Variants in FAM135B observed in about 807,000 individuals in gnomAD.
FAM135B encodes protein FAM135B.
Under a neutral mutation model 127.7 loss-of-function variants are expected in FAM135B, and 43 were observed. The ratio of observed to expected loss-of-function variants is 0.34; its 90% CI spans 0.26 to 0.43. The LOEUF (loss-of-function observed/expected upper bound fraction) is 0.43. Among genes scored for constraint, FAM135B ranks in the 20% least tolerant of loss-of-function variants. The pLI, the probability that FAM135B is intolerant of heterozygous loss-of-function variation, is 1.00. For missense variants in FAM135B, 1,558 were observed against 1,725.6 expected, an observed-to-expected ratio of 0.90 and a Z score of 1.72; for synonymous variants, 670 against 665.1, an observed-to-expected ratio of 1.01 and a Z score of -0.11.
At chr8:138,304,672 T>C (rs1255181582) in intron 3 of FAM135B, among the ~76,000 whole-genome samples, 1 of 152,158 alleles carries the variant, frequency 6.6e-6, no homozygotes, top group Non-Finnish European at 1.5e-5. Context: ...CGGAGACTGA[T>C]GGAAGCTCCT....
chr8:138,496,897 C>A lies in FAM135B; in HGVS notation c.-246G>T, dbSNP rs953777040. On this transcript the variant is annotated 5_prime_UTR_variant, in exon 1 of 20. Coordinates refer to ENST00000395297, the MANE Select transcript of FAM135B (RefSeq NM_015912.4). ...TCGCCCGCCGCCGCCGGTGCTGATG[C>A]GGTTGCTATGGTTATGGAACCCCGC... is the stretch of plus-strand genomic sequence containing the variant. 4 of 152,112 alleles carry A rather than the reference C, an allele frequency of 2.6e-5. No homozygotes were observed. The East Asian group carries it at 5.9e-4, about 23-fold the overall frequency. 9.4% of individuals were successfully genotyped at this position (152,112 alleles called of 1,614,324 possible).
At chr8:138,251,497 T>C (rs1307890045) in intron 5 of FAM135B, among the ~76,000 whole-genome samples, 1 of 152,178 alleles carries the variant, frequency 6.6e-6, no homozygotes, top group Non-Finnish European at 1.5e-5. Flanking sequence ...ATACCTAGCC[T>C]AGTATCTGGC....
chr8:138,354,757 G>T (rs1027544936), intron 2 of FAM135B, among the ~76,000 whole-genome samples: 5 of 152,114 alleles, frequency 3.3e-5, no homozygotes, highest in African/African-American at 1.2e-4. Flanking sequence ...TGACCCTGAG[G>T]TTTATCTTTC....
intron 12 of FAM135B, among the ~76,000 whole-genome samples, chr8:138,155,231 A>G (rs1030064719): frequency 6.6e-6 from 1 of 152,222 alleles, no homozygotes; most frequent in Non-Finnish European, 1.5e-5. Context: ...AATCCTTTAC[A>G]GACAAGCAAA....
intron 1 of FAM135B, among the ~76,000 whole-genome samples, chr8:138,418,240 A>G (rs1834277491): frequency 6.6e-6 from 1 of 152,178 alleles, no homozygotes; most frequent in Non-Finnish European, 1.5e-5. Context: ...AACTCAGACA[A>G]AAGTAAAGTG....
At position 138,389,389 on chromosome 8, in the gene FAM135B, A is replaced by G. The variant is rs529636589; in HGVS notation, c.-19-21387T>C. Among the ~76,000 whole-genome samples the G allele has an allele frequency of 2.6e-3, 400 of 152,348 alleles. 1 individual carries two copies. The highest frequency in any genetic ancestry group is 9.4e-3 in the African/African-American group (390 of 41,572). On this transcript the variant is annotated intron_variant, in intron 1 of 19. Coordinates refer to ENST00000395297, the MANE Select transcript of FAM135B (RefSeq NM_015912.4). ...TTCGTAGCAGCATTATTCACAATAG[A>G]CAAGTGGCAGAAATGAAGGAAATGG...
At chr8:138,133,042 C>T (rs998588156) in intron 19 of FAM135B, among the ~76,000 whole-genome samples, 7 of 152,150 alleles carry the variant, frequency 4.6e-5, no homozygotes, top group African/African-American at 7.2e-5. Context: ...ACCCATGCAC[C>T]GGAAGTTATG....
intron 2 of FAM135B, among the ~76,000 whole-genome samples, chr8:138,366,527 T>A (rs1022041064): frequency 3.3e-5 from 5 of 152,210 alleles, no homozygotes; most frequent in Non-Finnish European, 2.9e-5. Context: ...CTGTGAATGC[T>A]GCCCAAAACC....
intron 1 of FAM135B, among the ~76,000 whole-genome samples, chr8:138,447,444 G>A (rs1374133913): frequency 6.6e-6 from 1 of 152,106 alleles, no homozygotes; most frequent in Non-Finnish European, 1.5e-5. Flanking sequence ...AAAAAATGTG[G>A]CACATATACA....
intron 11 of FAM135B, among the ~76,000 whole-genome samples, chr8:138,169,770 G>A (rs1820264283): frequency 6.6e-6 from 1 of 152,082 alleles, no homozygotes; most frequent in African/African-American, 2.4e-5. Flanking sequence ...TTGATTTTAG[G>A]TCGAACAAGC....
intron 14 of FAM135B, among the ~76,000 whole-genome samples, chr8:138,146,571 G>C (rs773760835): frequency 6.6e-6 from 1 of 152,152 alleles, no homozygotes; most frequent in Non-Finnish European, 1.5e-5. Context: ...GGGAACAAGA[G>C]ACATGGCAGA....
At chr8:138,249,971 G>C (rs1037316880) in intron 6 of FAM135B, among the ~76,000 whole-genome samples, 1 of 152,188 alleles carries the variant, frequency 6.6e-6, no homozygotes, top group African/African-American at 2.4e-5. Context: ...TGTCAGTTCT[G>C]TCCCTCTACT....
chr8:138,390,126 C>T (rs1832460741), intron 1 of FAM135B, among the ~76,000 whole-genome samples: 2 of 152,160 alleles, frequency 1.3e-5, no homozygotes, highest in African/African-American at 4.8e-5. Context: ...TGGGGACATA[C>T]TTGTACTCAA....
intron 2 of FAM135B, among the ~76,000 whole-genome samples, chr8:138,336,290 G>A (rs1332116983): frequency 6.6e-6 from 1 of 151,924 alleles, no homozygotes. Flanking sequence ...GACATAAAAA[G>A]CCCTTCAAAA....
intron 17 of FAM135B, 104 bp from the exon 18 acceptor site, chr8:138,139,200 C>A: frequency 1.5e-6 from 1 of 685,018 alleles, no homozygotes; most frequent in South Asian, 1.8e-5. Flanking sequence ...TTTTAGTTAA[C>A]TTGAAAATAA....
chr8:138,336,919 G>C (rs1476175267), intron 2 of FAM135B, among the ~76,000 whole-genome samples: 1 of 152,120 alleles, frequency 6.6e-6, no homozygotes, highest in Non-Finnish European at 1.5e-5. Flanking sequence ...ATGATCAAGT[G>C]GGCTTCATCC....
chr8:138,173,354 A>T (rs2130937696), intron 11 of FAM135B, among the ~76,000 whole-genome samples: 1 of 152,332 alleles, frequency 6.6e-6, no homozygotes, highest in South Asian at 2.1e-4. Context: ...GTTCTTTAAG[A>T]TGATGGCTCA....
chr8:138,138,714 T>C (rs1816869025), intron 18 of FAM135B, among the ~76,000 whole-genome samples: 1 of 152,254 alleles, frequency 6.6e-6, no homozygotes, highest in Non-Finnish European at 1.5e-5. Flanking sequence ...ATTGAAAAAC[T>C]GGCACAAAGT....
At chr8:138,356,287 A>AAAAG (rs2131149363) in intron 2 of FAM135B, among the ~76,000 whole-genome samples, 1 of 202 alleles carries the variant, frequency 5.0e-3, no homozygotes, top group South Asian at 0.5. Flanking sequence ...AGAGAGAAAG[A>AAAAG]GAGAGCCAGC....
Sources: gnomAD v4.1 joint callset for allele counts (sites outside exome capture counted in the v4.1 genomes callset) on GRCh38, gnomAD v4.1.1 for gene constraint, MANE v1.5 for transcripts, NCBI Gene and HGNC (gene_info 2026-07-23, HGNC 2026-07-21) for gene names.